PPP2R1B: variants seen among roughly 807,000 people sequenced by gnomAD.
PPP2R1B encodes protein phosphatase 2 scaffold subunit Abeta, also known as serine/threonine-protein phosphatase 2A 65 kDa regulatory subunit A beta isoform.
PPP2R1B carries 58 observed loss-of-function variants against 72.7 expected under a neutral mutation model. The ratio of observed to expected loss-of-function variants is 0.80; its 90% CI spans 0.65 to 0.99. The LOEUF (loss-of-function observed/expected upper bound fraction) is 0.99. Ranked by LOEUF, PPP2R1B falls within the 50% of genes least tolerant of loss-of-function variation. The pLI, the probability that PPP2R1B is intolerant of heterozygous loss-of-function variation, is 0.00. For missense variants in PPP2R1B, 695 were observed against 733.6 expected, an observed-to-expected ratio of 0.95 and a Z score of 0.61; for synonymous variants, 256 against 264.6, an observed-to-expected ratio of 0.97 and a Z score of 0.32.
Position 111,765,362 on chromosome 11 carries a change from T to G in PPP2R1B, c.137A>C (p.Lys46Thr). Residue 46 changes from lysine (K) to threonine (T), a missense_variant, in exon 2 of 15, where the codon AAG becomes ACG. Coordinates refer to ENST00000527614, the MANE Select transcript of PPP2R1B (RefSeq NM_002716.5). Reference sequence around the variant, plus strand: ...AAGTGCTAGGGCAATTGTTGATAACTTCTTAATACTGTTGAGTCGGAGCTT... The same window carrying G: ...AAGTGCTAGGGCAATTGTTGATAACGTCTTAATACTGTTGAGTCGGAGCTT... ...DVQLRLNSIK[K>T]LSTIALALGV... 6.2e-7 allele frequency: 1 copy of G among 1,613,052 alleles called. No individual in the cohort carries two copies. Among genetic ancestry groups the G allele is most frequent in the South Asian group, 1.1e-5 (1 of 90,822 alleles).
the PPP2R1B span, among the ~76,000 whole-genome samples, chr11:111,708,182 G>A: frequency 2.0e-5 from 3 of 152,138 alleles, no homozygotes; most frequent in Non-Finnish European, 4.4e-5. Flanking sequence ...AGGAGTTTGA[G>A]ACCAGCCTGG....
At chr11:111,743,294 A>C (rs1223704129) in intron 12 of PPP2R1B, 82 bp downstream of exon 12, 1 of 1,321,330 alleles carries the variant, frequency 7.6e-7, no homozygotes. Context: ...AATAGAAGAC[A>C]GTATACTGAT....
downstream of PPP2R1B, chr11:111,724,069 T>C: frequency 6.2e-7 from 1 of 1,613,948 alleles, no homozygotes; most frequent in African/African-American, 1.3e-5. Context: ...CTGGACTCTT[T>C]GATTGTGAAA....
chr11:111,741,803 A>G (rs917140312), intron 14 of PPP2R1B, among the ~76,000 whole-genome samples, 191 bp from the exon 15 acceptor site: 4 of 152,254 alleles, frequency 2.6e-5, no homozygotes, highest in Non-Finnish European at 5.9e-5. Context: ...ACGAAAAACT[A>G]TTCTTACCAG....
chr11:111,753,459 G>A lies in PPP2R1B; in HGVS notation c.1148C>T (p.Ala383Val). The change falls in exon 9 of 15, where the codon GCT becomes GTT. Residue 383 changes from alanine to valine, a missense_variant. Physicochemically the swap from Ala to Val is moderately conservative, Grantham distance 64 (BLOSUM62 0). Transcript: ENST00000527614. ...AAGACCCACCTCATCCTTTAACTGA[G>A]CTAAGAAAAGAGGTAGAAGATGTTC... ...TIEHLLPLFLAQLKDECPDVR... is the reference protein window; with the variant it reads ...TIEHLLPLFLVQLKDECPDVR... The A allele has an allele frequency of 6.2e-7, 1 of 1,613,124 alleles. No homozygotes were observed.
At chr11:111,699,280 T>G in the PPP2R1B span, among the ~76,000 whole-genome samples, 9 of 152,314 alleles carry the variant, frequency 5.9e-5, no homozygotes, top group Non-Finnish European at 1.2e-4. Context: ...AGATGTACCC[T>G]CTTTTCTCTC....
chr11:111,722,107 C>G (rs1943820090), downstream of PPP2R1B, among the ~76,000 whole-genome samples: 1 of 152,216 alleles, frequency 6.6e-6, no homozygotes, highest in Admixed American at 6.5e-5. This position sits in a 1 kb window ranked among gnomAD's most constrained non-coding sequence, Gnocchi z 4.4. Context: ...GTGTTCAGAT[C>G]TAGCTTTGTG....
At chr11:111,713,844 G>A in the PPP2R1B span, among the ~76,000 whole-genome samples, 2 of 152,098 alleles carry the variant, frequency 1.3e-5, no homozygotes, top group Non-Finnish European at 2.9e-5. Context: ...GCGGGCGCCT[G>A]TAATCCCAGC....
intron 15 of PPP2R1B, among the ~76,000 whole-genome samples, chr11:111,732,443 C>T (rs1477225546): frequency 6.6e-6 from 1 of 152,226 alleles, no homozygotes; most frequent in African/African-American, 2.4e-5. Flanking sequence ...GTAATCCCAA[C>T]ACCTTGGGAG....
At chr11:111,732,420 G>A (rs561714583) in intron 15 of PPP2R1B, among the ~76,000 whole-genome samples, 222 of 152,340 alleles carry the variant, frequency 1.5e-3, no homozygotes, top group Non-Finnish European at 2.0e-3. Flanking sequence ...GCCAGGTGCT[G>A]TGGCTGACAC....
chr11:111,703,384 G>A, the PPP2R1B span: 1 of 1,614,008 alleles, frequency 6.2e-7, no homozygotes, highest in Non-Finnish European at 8.5e-7. Context: ...TTCTGCGACT[G>A]ATGCACAGCC....
At chr11:111,753,628 C>T (rs568364448) in intron 8 of PPP2R1B, 51 bp from the exon 9 acceptor site, 8 of 1,541,730 alleles carry the variant, frequency 5.2e-6, no homozygotes, top group Non-Finnish European at 7.1e-6. Flanking sequence ...ACAGAAACTT[C>T]CATACCATTA....
chr11:111,732,718 C>T (rs549506640), intron 15 of PPP2R1B, among the ~76,000 whole-genome samples: 17 of 152,230 alleles, frequency 1.1e-4, no homozygotes, highest in African/African-American at 3.6e-4. Context: ...ACAAACAAAG[C>T]TCAGAGGGAC....
At chr11:111,755,698 T>C (rs1188701759) in intron 5 of PPP2R1B, among the ~76,000 whole-genome samples, 4 of 151,322 alleles carry the variant, frequency 2.6e-5, no homozygotes, top group Non-Finnish European at 5.9e-5. Context: ...CAAGTGATTC[T>C]CCTGCCTCAG....
chr11:111,743,324 A>G, intron 12 of PPP2R1B, 52 bp downstream of exon 12: 1 of 1,497,740 alleles, frequency 6.7e-7, no homozygotes, highest in Non-Finnish European at 9.2e-7. Flanking sequence ...ATAGTCATGA[A>G]TAATTTTGCT....
At chr11:111,691,230 A>T in the PPP2R1B span, among the ~76,000 whole-genome samples, 2 of 152,146 alleles carry the variant, frequency 1.3e-5, no homozygotes, top group Non-Finnish European at 2.9e-5. Flanking sequence ...GCTTTTTAGT[A>T]TCTAATCTTC....
intron 1 of PPP2R1B, 71 bp from the exon 2 acceptor site, chr11:111,765,455 G>T: frequency 2.4e-6 from 3 of 1,232,178 alleles, no homozygotes; most frequent in East Asian, 2.3e-5. Context: ...GACAAAAGGT[G>T]CTAACAGGTG....
the PPP2R1B span, among the ~76,000 whole-genome samples, chr11:111,696,894 C>T: frequency 6.6e-6 from 1 of 152,182 alleles, no homozygotes; most frequent in African/African-American, 2.4e-5. Context: ...CATTCCCCCC[C>T]TACTCACCTC....
chr11:111,742,769 A>G, intron 12 of PPP2R1B, 104 bp from the exon 13 acceptor site: 1 of 1,134,084 alleles, frequency 8.8e-7, no homozygotes, highest in Non-Finnish European at 1.2e-6. Context: ...CAATAGGAAA[A>G]TATTTCTAGT....
Sources: gnomAD v4.1 joint callset for allele counts (sites outside exome capture counted in the v4.1 genomes callset) on GRCh38, gnomAD v4.1.1 for gene constraint, Gnocchi (gnomAD v3.1) non-coding constraint, MANE v1.5 for transcripts, NCBI Gene and HGNC (gene_info 2026-07-23, HGNC 2026-07-21) for gene names.